The following NDUFS3 variants were observed in gnomAD, a reference collection of about 807,000 sequenced individuals.
NDUFS3 encodes the protein NADH:ubiquinone oxidoreductase core subunit S3.
NDUFS3 carries 19 observed loss-of-function variants against 30.8 expected under a neutral mutation model. The observed-to-expected ratio is 0.62, with a 90% confidence interval of 0.43 to 0.91. The LOEUF is 0.91. Among genes scored for constraint, NDUFS3 ranks in the 40% least tolerant of loss-of-function variants. The pLI is 0.00. For synonymous variants in NDUFS3, 153 were observed against 135.8 expected (o/e 1.13, Z -0.88); for missense variants, 331 against 342.0 (o/e 0.97, Z 0.25).
chr11:47,580,438 T>TGAC, intron 2 of NDUFS3, 87 bp from the exon 3 acceptor site: 2 of 1,256,832 alleles, frequency 1.6e-6, no homozygotes, highest in African/African-American at 2.9e-5. Flanking sequence ...TTCCTGGATT[T>TGAC]GACATCCCTT....
rs187928364 is a variant in NDUFS3, at chr11:47,579,437, T to C, written c.133+103T>C. ...CTTCCCTACGTCCTCCTGGCAAATC[T>C]TGGAGATCTGACTTGCAGTGGTCTT... On this transcript the variant is annotated intron_variant, in intron 2 of 6. Transcript: ENST00000263774. 7 of 1,454,694 alleles carry C rather than the reference T, an allele frequency of 4.8e-6. No individual in the cohort carries two copies. In the African/African-American group the frequency reaches 9.7e-5, roughly 20 times the overall value. 90.1% of individuals were successfully genotyped at this position (1,454,694 alleles called of 1,614,324 possible).
intron 6 of NDUFS3, 140 bp downstream of exon 6, chr11:47,582,608 A>G: frequency 7.2e-7 from 1 of 1,384,810 alleles, no homozygotes; most frequent in East Asian, 2.3e-5. Flanking sequence ...TCCTAGCTTC[A>G]TTTTTGTAAC....
In NDUFS3 at chr11:47,584,418, C is replaced by T. The variant is rs2097270170; in HGVS notation, c.732C>T (p.Val244=). The part of the protein sequence containing the change: ...DLNSPWEAFP[V]YRQPPESLKL... The stretch of plus-strand genomic sequence containing the variant: ...ACAGCCCCTGGGAGGCTTTCCCAGT[C>T]TATCGCCAACCCCCGGAGAGTCTCA... Residue 244 remains valine (V), a synonymous_variant, in exon 7 of 7, where the codon GTC becomes GTT. Coordinates refer to ENST00000263774, the MANE Select transcript of NDUFS3 (RefSeq NM_004551.3). 1.2e-6 allele frequency: 2 copies of T among 1,614,132 alleles called. No homozygotes were observed. The highest frequency in any genetic ancestry group is 2.7e-5 in the African/African-American group (2 of 75,026).
intron 1 of NDUFS3, 27 bp from the exon 2 acceptor site, chr11:47,579,242 G>C (rs763175444): frequency 1.9e-6 from 3 of 1,614,146 alleles, no homozygotes; most frequent in Non-Finnish European, 2.5e-6. Flanking sequence ...CATCCCGCGC[G>C]TCTGTGCCTT....
At chr11:47,579,601 C>A in intron 2 of NDUFS3, 1 of 590,646 alleles carries the variant, frequency 1.7e-6, no homozygotes, top group Non-Finnish European at 3.0e-6. Flanking sequence ...AACCTTTAGG[C>A]CTCAGAGCCC....
chr11:47,582,769 G>T (rs1355134489), intron 6 of NDUFS3, among the ~76,000 whole-genome samples: 1 of 152,218 alleles, frequency 6.6e-6, no homozygotes, highest in Non-Finnish European at 1.5e-5. Context: ...GCCAAGACAG[G>T]AGGAGTGCTT....
chr11:47,579,594 C>T (rs923500958), intron 2 of NDUFS3: 3 of 597,032 alleles, frequency 5.0e-6, no homozygotes, highest in South Asian at 2.0e-5. Context: ...GCAATATAAC[C>T]TTTAGGCCTC....
At position 47,579,322 on chromosome 11, in the gene NDUFS3, G is replaced by T; in HGVS notation, c.121G>T (p.Ala41Ser). Residue 41 changes from alanine (A) to serine (S), a missense_variant, in exon 2 of 7, where the codon GCC becomes TCC. Physicochemically the swap from Ala to Ser is moderately conservative, Grantham distance 99. Transcript: ENST00000263774. ...LLPVRRESAG[A>S]DTRPTVRPRN... ...GCCGGTGAGGCGGGAGAGCGCCGGG[G>T]CCGACACGCGCCGTGAGTATGTGCG... 1 of 1,613,818 alleles carries T rather than the reference G, an allele frequency of 6.2e-7. No homozygotes were observed. The highest frequency in any genetic ancestry group is 8.5e-7 in the Non-Finnish European group (1 of 1,180,034).
chr11:47,580,472 GGGCTGGCT>G, intron 2 of NDUFS3, 45 bp from the exon 3 acceptor site: 1 of 1,552,716 alleles, frequency 6.4e-7, no homozygotes, highest in Non-Finnish European at 8.9e-7. Flanking sequence ...ACTGCATGCA[GGGCTGGCT>G]TTTGCCTTCT....
Position 47,580,563 on chromosome 11 carries a change from C to G in NDUFS3, c.172C>G (p.Leu58Val). ...RPRNDVAHKQ[L>V]SAFGEYVAEI... ...ACGGAATGATGTGGCCCACAAGCAG[C>G]TCTCAGCTTTTGGAGAGTATGTGGC... Residue 58 changes from leucine to valine, a missense_variant, in exon 3 of 7, where the codon CTC becomes GTC. Leu to Val is a conservative substitution (Grantham distance 32, BLOSUM62 1). Transcript: ENST00000263774. 1 of 1,614,222 alleles carries G rather than the reference C, an allele frequency of 6.2e-7. No homozygotes were observed. Among genetic ancestry groups the G allele is most frequent in the Middle Eastern group, 1.6e-4 (1 of 6,062 alleles).
intron 6 of NDUFS3, among the ~76,000 whole-genome samples, chr11:47,583,829 A>G (rs2097269868): frequency 1.3e-5 from 2 of 152,060 alleles, no homozygotes; most frequent in African/African-American, 4.8e-5. Context: ...TCCTTACCTT[A>G]TCCATTTGAT....
Position 47,582,387 on chromosome 11 carries a change from TG to T in NDUFS3, c.547del (p.Asp183IlefsTer2). The T allele has an allele frequency of 1.2e-6, 2 of 1,614,212 alleles. No homozygotes were observed. The highest frequency in any genetic ancestry group is 1.7e-6 in the Non-Finnish European group (2 of 1,180,030). The part of the protein sequence containing the change: ...MFGVFFANHP[D>X]LRRILTDYGF... ...TTGGAGTCTTCTTTGCTAACCACCC[TG>T]ATCTAAGAAGGATCCTGACAGATTA... On this transcript the variant is annotated frameshift_variant, in exon 6 of 7. Transcript: ENST00000263774. LOFTEE classifies it high-confidence loss of function.
At chr11:47,581,173 T>G in intron 4 of NDUFS3, 189 bp downstream of exon 4, 1 of 664,802 alleles carries the variant, frequency 1.5e-6, no homozygotes. Context: ...TTTTTTTTTT[T>G]AGACGGAATC....
chr11:47,582,447 T>C lies in NDUFS3; in HGVS notation c.606T>C (p.Phe202=), dbSNP rs2097269226. The C allele has an allele frequency of 1.2e-6, 2 of 1,613,998 alleles. No homozygotes were observed. The highest frequency in any genetic ancestry group is 1.7e-5 in the Admixed American group (1 of 60,000). The change falls in exon 6 of 7, where the codon TTT becomes TTC. Residue 202 remains phenylalanine (F), a synonymous_variant. Coordinates refer to ENST00000263774, the MANE Select transcript of NDUFS3 (RefSeq NM_004551.3). The part of the protein sequence containing the change: ...GFEGHPFRKD[F]PLSGYVELRY... ...AGGGACATCCTTTCCGGAAAGACTT[T>C]CCTCTATCTGGCTATGTTGAGGTAG...
In NDUFS3 at chr11:47,584,390, TG is replaced by T. The variant is rs1164546534; in HGVS notation, c.705del (p.Asn236ThrfsTer51). On this transcript the variant is annotated frameshift_variant, in exon 7 of 7. Coordinates refer to ENST00000263774, the MANE Select transcript of NDUFS3 (RefSeq NM_004551.3). LOFTEE classifies it high-confidence loss of function. ...GCCCAAGAGTTCCGCAAATTTGACC[TG>T]AACAGCCCCTGGGAGGCTTTCCCAG... ...ELAQEFRKFD[L>X]NSPWEAFPVY... 6.2e-7 allele frequency: 1 copy of T among 1,614,140 alleles called. No homozygotes were observed. Among genetic ancestry groups the T allele is most frequent in the Non-Finnish European group, 8.5e-7 (1 of 1,180,034 alleles).
Position 47,580,642 on chromosome 11 carries a change from T to G in NDUFS3, c.231+20T>G. 6.2e-7 allele frequency: 1 copy of G among 1,612,330 alleles called. No homozygotes were observed. On this transcript the variant is annotated intron_variant, in intron 3 of 6. Coordinates refer to ENST00000263774, the MANE Select transcript of NDUFS3 (RefSeq NM_004551.3). ...GTTCAGGTAATACTTACTAATGTTA[T>G]TTGGGTCTGGGTCAAGAAAGAACCA...
At position 47,581,173 on chromosome 11, in the gene NDUFS3, T is replaced by A. The variant is rs1598805290; in HGVS notation, c.381+189T>A. 4.5e-6 allele frequency: 3 copies of A among 664,800 alleles called. No individual in the cohort carries two copies. In the East Asian group the frequency reaches 8.8e-5, roughly 20 times the overall value. The allele number at this position is 664,800 out of a possible 1,614,324, so 41.2% of individuals were successfully genotyped here. ...TATTTTGTTTAATTTTTTTTTTTTT[T>A]AGACGGAATCTTGCTCTGTCGCCAG... is the stretch of plus-strand genomic sequence containing the variant. On this transcript the variant is annotated intron_variant, in intron 4 of 6. Coordinates refer to ENST00000263774, the MANE Select transcript of NDUFS3 (RefSeq NM_004551.3).
chr11:47,584,550 CTACT>C lies in NDUFS3; in HGVS notation c.*72_*75del. The stretch of plus-strand genomic sequence containing the variant: ...ATTGAGTGTCCGTGTAAATAAATTC[CTACT>C]TAGACTTACCACTTTGTGTGTGCTT... On this transcript the variant is annotated 3_prime_UTR_variant, in exon 7 of 7. Coordinates refer to ENST00000263774, the MANE Select transcript of NDUFS3 (RefSeq NM_004551.3). 6.3e-7 allele frequency: 1 copy of C among 1,576,670 alleles called. No individual in the cohort carries two copies. Among genetic ancestry groups the C allele is most frequent in the South Asian group, 1.1e-5 (1 of 90,056 alleles).
chr11:47,579,208 C>T (rs2097266432), intron 1 of NDUFS3, 50 bp downstream of exon 1: 1 of 1,613,802 alleles, frequency 6.2e-7, no homozygotes, highest in African/African-American at 1.3e-5. Flanking sequence ...GCGGCGTGCC[C>T]AGTGCAGAGA....
Sources: allele counts gnomAD v4.1 joint callset (sites outside exome capture counted in the v4.1 genomes callset), GRCh38; gene constraint gnomAD v4.1.1; transcripts MANE v1.5; gene names NCBI Gene and HGNC (gene_info 2026-07-23, HGNC 2026-07-21).